Variants in NXPH1 observed in about 807,000 individuals in gnomAD.
NXPH1 encodes neurexophilin-1.
NXPH1 carries 5 observed loss-of-function variants against 23.7 expected under a neutral mutation model. The ratio of observed to expected loss-of-function variants is 0.21; its 90% CI spans 0.11 to 0.44. The LOEUF (loss-of-function observed/expected upper bound fraction) is 0.44. NXPH1 is among the 20% of genes least tolerant of loss of function. NXPH1 has a pLI of 0.99. For missense variants in NXPH1, 324 were observed against 321.6 expected (o/e 1.01, Z -0.06); for synonymous variants, 144 against 122.2 (o/e 1.18, Z -1.18).
At chr7:8,635,213 G>A (rs1474830114) in intron 2 of NXPH1, among the ~76,000 whole-genome samples, 2 of 152,172 alleles carry the variant, frequency 1.3e-5, no homozygotes, top group African/African-American at 4.8e-5. Context: ...CAAGTACTGT[G>A]CATAATTCTT....
chr7:8,463,279 G>A (rs769707100), intron 2 of NXPH1, among the ~76,000 whole-genome samples: 24 of 151,040 alleles, frequency 1.6e-4, no homozygotes, highest in Non-Finnish European at 2.8e-4. Flanking sequence ...TTACCAAATG[G>A]TATCTATAAA....
chr7:8,607,576 A>G (rs1819521870), intron 2 of NXPH1, among the ~76,000 whole-genome samples: 1 of 152,174 alleles, frequency 6.6e-6, no homozygotes. Context: ...AACTCTGGCA[A>G]ATAACTTTGA....
At position 8,752,629 on chromosome 7, in the gene NXPH1, T is replaced by C. The variant is rs1220355367; in HGVS notation, c.*860T>C. ...TCTGTCTTATCTTTACTACACATAT[T>C]GTAACAAATTCAATATCCTAGTCTT... is the stretch of plus-strand genomic sequence containing the variant. On this transcript the variant is annotated 3_prime_UTR_variant, in exon 3 of 3. Coordinates refer to ENST00000405863, the MANE Select transcript of NXPH1 (RefSeq NM_152745.3). 1 of 152,560 alleles carries C rather than the reference T, an allele frequency of 6.6e-6. No individual in the cohort carries two copies. The highest frequency in any genetic ancestry group is 1.5e-5 in the Non-Finnish European group (1 of 68,028). The allele number at this position is 152,560 out of a possible 1,614,324, so 9.5% of individuals were successfully genotyped here. A position where few individuals can be genotyped will look rare whatever the true frequency, so the allele number is the denominator to read the frequency against.
chr7:8,626,919 G>A (rs1159205685), intron 2 of NXPH1, among the ~76,000 whole-genome samples: 1 of 152,040 alleles, frequency 6.6e-6, no homozygotes, highest in South Asian at 2.1e-4. Flanking sequence ...CTTTACCAGG[G>A]TCTTTTTCCT....
chr7:8,668,489 G>A (rs1820817167), intron 2 of NXPH1, among the ~76,000 whole-genome samples: 1 of 152,200 alleles, frequency 6.6e-6, no homozygotes, highest in African/African-American at 2.4e-5. Context: ...AGGCAAGCCT[G>A]ATGCCTGGGT....
intron 2 of NXPH1, among the ~76,000 whole-genome samples, chr7:8,505,456 C>T (rs544880917): frequency 6.6e-6 from 1 of 152,076 alleles, no homozygotes; most frequent in South Asian, 2.1e-4. Context: ...ATACCTATGC[C>T]TAGAAATAAA....
intron 2 of NXPH1, among the ~76,000 whole-genome samples, chr7:8,478,841 T>C (rs1477641546): frequency 6.6e-6 from 1 of 151,534 alleles, no homozygotes; most frequent in Admixed American, 6.6e-5. Context: ...TGGAGTAACA[T>C]ACTTAAGAAA....
At chr7:8,734,468 A>T (rs1780212479) in intron 2 of NXPH1, among the ~76,000 whole-genome samples, 1 of 152,212 alleles carries the variant, frequency 6.6e-6, no homozygotes. Flanking sequence ...TTTGGGCAAT[A>T]TGGCCAGTTT....
intron 2 of NXPH1, among the ~76,000 whole-genome samples, chr7:8,598,712 T>C (rs967872608): frequency 6.6e-6 from 1 of 152,198 alleles, no homozygotes; most frequent in Non-Finnish European, 1.5e-5. Context: ...ATCTCTGTTA[T>C]TATTGTCATG....
intron 2 of NXPH1, among the ~76,000 whole-genome samples, chr7:8,540,371 C>T (rs143697306): frequency 2.1e-4 from 32 of 151,842 alleles, no homozygotes; most frequent in Admixed American, 3.3e-4. Flanking sequence ...ATGTGTGAAA[C>T]GACAAGTTTA....
At chr7:8,702,464 A>T (rs1779639537) in intron 2 of NXPH1, among the ~76,000 whole-genome samples, 1 of 152,134 alleles carries the variant, frequency 6.6e-6, no homozygotes, top group African/African-American at 2.4e-5. Flanking sequence ...GATTCACATT[A>T]CTGCTTGTTA....
At chr7:8,615,850 G>A (rs1175722154) in intron 2 of NXPH1, among the ~76,000 whole-genome samples, 9 of 152,054 alleles carry the variant, frequency 5.9e-5, no homozygotes, top group Admixed American at 2.6e-4. Flanking sequence ...AGCTGCATGG[G>A]TTATAAGAGC....
At position 8,435,682 on chromosome 7, in the gene NXPH1, G is replaced by A. The variant is rs200105460; in HGVS notation, c.-32G>A. 691 of 1,608,800 alleles carry A rather than the reference G, an allele frequency of 4.3e-4. No homozygotes were observed. Among genetic ancestry groups the A allele is most frequent in the Non-Finnish European group, 5.3e-4 (623 of 1,175,156 alleles). ...TCTGAAGGAACAAAGACTCAAAGAA[G>A]GCACCGCCAAGGAAGTTTGAGACGC... On this transcript the variant is annotated 5_prime_UTR_variant, in exon 2 of 3. Coordinates refer to ENST00000405863, the MANE Select transcript of NXPH1 (RefSeq NM_152745.3). The surrounding 1 kb of genome is among the most constrained non-coding windows in gnomAD (Gnocchi z 5.9).
At chr7:8,671,894 C>A (rs1238576204) in intron 2 of NXPH1, among the ~76,000 whole-genome samples, 4 of 152,102 alleles carry the variant, frequency 2.6e-5, no homozygotes, top group Admixed American at 1.3e-4. Flanking sequence ...GTATAAATGT[C>A]TTCTTTTGAG....
intron 2 of NXPH1, among the ~76,000 whole-genome samples, chr7:8,515,073 A>G (rs943770854): frequency 2.0e-5 from 3 of 152,164 alleles, no homozygotes; most frequent in African/African-American, 7.2e-5. Context: ...GAGTGCACAC[A>G]TGCAAGAGAT....
intron 2 of NXPH1, among the ~76,000 whole-genome samples, chr7:8,470,662 C>A (rs953502663): frequency 7.9e-5 from 12 of 152,138 alleles, no homozygotes; most frequent in Non-Finnish European, 1.6e-4. Context: ...AAACACCCAC[C>A]TTTAAGACTC....
intron 2 of NXPH1, among the ~76,000 whole-genome samples, chr7:8,707,534 A>T (rs1218388626): frequency 1.3e-5 from 2 of 152,148 alleles, no homozygotes; most frequent in Non-Finnish European, 2.9e-5. Flanking sequence ...AGTGAATGGA[A>T]TATGGTGCTT....
intron 2 of NXPH1, among the ~76,000 whole-genome samples, chr7:8,490,715 A>T (rs922333611): frequency 1.3e-5 from 2 of 152,086 alleles, no homozygotes; most frequent in Non-Finnish European, 2.9e-5. Flanking sequence ...GTAAGATGTC[A>T]ATAGTTTTAA....
chr7:8,656,635 T>G (rs1031018631), intron 2 of NXPH1, among the ~76,000 whole-genome samples: 1 of 151,944 alleles, frequency 6.6e-6, no homozygotes, highest in Non-Finnish European at 1.5e-5. Context: ...GCTGGTGCGC[T>G]GCACCCACTA....
Sources: allele counts gnomAD v4.1 joint callset (sites outside exome capture counted in the v4.1 genomes callset), GRCh38; gene constraint gnomAD v4.1.1; non-coding constraint Gnocchi (gnomAD v3.1); transcripts MANE v1.5; gene names NCBI Gene and HGNC (gene_info 2026-07-23, HGNC 2026-07-21).